Variants in PARP10 observed in about 807,000 individuals in gnomAD.
PARP10 encodes protein mono-ADP-ribosyltransferase PARP10.
Under a neutral mutation model 82.4 loss-of-function variants are expected in PARP10, and 56 were observed. That is an observed-to-expected ratio of 0.68 (90% confidence interval 0.55 to 0.85). The LOEUF (loss-of-function observed/expected upper bound fraction) is 0.85. Ranked by LOEUF, PARP10 falls within the 40% of genes least tolerant of loss-of-function variation. PARP10 has a pLI of 0.00. For missense variants in PARP10, 1,227 were observed against 1,379.4 expected (o/e 0.89, Z 1.75); for synonymous variants, 576 against 601.1 (o/e 0.96, Z 0.61).
upstream of PARP10, chr8:143,992,244 G>T: frequency 6.2e-7 from 1 of 1,604,230 alleles, no homozygotes; most frequent in Non-Finnish European, 8.5e-7. Context: ...CCCAACTGCA[G>T]TCGGTCCTGA....
intron 1 of PARP10, among the ~76,000 whole-genome samples, chr8:144,010,788 GGCA>G (rs1367973443): frequency 6.6e-6 from 1 of 152,134 alleles, no homozygotes; most frequent in Admixed American, 6.5e-5. Context: ...GGGAGGCTGA[GGCA>G]GCAGGATCGC....
At chr8:144,004,902 G>C (rs1165583947) in intron 1 of PARP10, among the ~76,000 whole-genome samples, 1 of 152,138 alleles carries the variant, frequency 6.6e-6, no homozygotes. Flanking sequence ...CAAGAGTCCG[G>C]GCACGGTGGC....
intron 1 of PARP10, among the ~76,000 whole-genome samples, chr8:143,999,926 G>C (rs958416017): frequency 3.3e-5 from 5 of 152,108 alleles, no homozygotes; most frequent in African/African-American, 1.2e-4. Context: ...GAGAATGTGG[G>C]GAGTAGGGTC....
chr8:143,997,055 C>T (rs782228289), intron 1 of PARP10, among the ~76,000 whole-genome samples: 5 of 152,126 alleles, frequency 3.3e-5, no homozygotes, highest in East Asian at 1.9e-4. Context: ...GCCCCTCCTC[C>T]GCCAGGGCCC....
At position 143,978,106 on chromosome 8, in the gene PARP10, T is replaced by A. The variant is rs781907208; in HGVS notation, c.2557-25A>T. The A allele has an allele frequency of 2.3e-5, 34 of 1,477,990 alleles. 3 individuals are homozygous for A. The South Asian group carries it at 4.2e-4, about 18-fold the overall frequency. The allele number at this position is 1,477,990 out of a possible 1,614,324, so 91.6% of individuals were successfully genotyped here. ...CCTGCGGGGAAGGCCCGGGCCAGGA[T>A]TAAACACCCTCCCTACGCCCTGGGG... is the stretch of plus-strand genomic sequence containing the variant. On this transcript the variant is annotated intron_variant, in intron 9 of 10. Transcript: ENST00000313028.
chr8:143,978,040 C>T lies in PARP10; in HGVS notation c.2598G>A (p.Glu866=). ...VSHPLLQQQY[E]LYRERLLQRC... ...GCTGCAGCAGGCGCTCCCGGTACAG[C>T]TCATACTGCTGCTGCAGCAGCGGGT... The change falls in exon 10 of 11, where the codon GAG becomes GAA. Residue 866 remains glutamate (E), a synonymous_variant. Coordinates refer to ENST00000313028, the MANE Select transcript of PARP10 (RefSeq NM_032789.5). 1 of 1,561,466 alleles carries T rather than the reference C, an allele frequency of 6.4e-7. No homozygotes were observed.
chr8:144,001,060 C>T (rs868933457), intron 1 of PARP10, among the ~76,000 whole-genome samples: 39 of 151,618 alleles, frequency 2.6e-4, no homozygotes, highest in African/African-American at 9.4e-4. Flanking sequence ...ACTACAGGCG[C>T]CTGCCACCAC....
chr8:144,010,063 C>G (rs2133085337), intron 1 of PARP10, among the ~76,000 whole-genome samples: 1 of 152,344 alleles, frequency 6.6e-6, no homozygotes, highest in African/African-American at 2.4e-5. Flanking sequence ...CCATCCCTCC[C>G]CAGCACATAC....
intron 1 of PARP10, among the ~76,000 whole-genome samples, chr8:144,006,973 T>C (rs1434486520): frequency 2.0e-5 from 3 of 152,164 alleles, no homozygotes; most frequent in African/African-American, 7.2e-5. Flanking sequence ...TGCTCTCCAT[T>C]CCACCCTTCC....
In PARP10 at chr8:143,984,349, C is replaced by T; in HGVS notation, c.1541G>A (p.Cys514Tyr). ...CCTGGCGCTGCCCGGGTGCTCCAGGCACAACACATGGCAGCTAATGCTGCC... is the reference window on the plus strand; with the variant it reads ...CCTGGCGCTGCCCGGGTGCTCCAGGTACAACACATGGCAGCTAATGCTGCC... The part of the protein sequence containing the change: ...LLGSISCHVL[C>Y]LEHPGSARFL... Residue 514 changes from cysteine (C) to tyrosine (Y), a missense_variant, in exon 6 of 11, where the codon TGC becomes TAC. Cys to Tyr is a radical substitution (Grantham distance 194). Transcript: ENST00000313028. 6.2e-7 allele frequency: 1 copy of T among 1,613,726 alleles called. No individual in the cohort carries two copies.
chr8:143,990,068 T>G (rs1417105809), upstream of PARP10: 6 of 142,188 alleles, frequency 4.2e-5, no homozygotes. The surrounding 1 kb of genome is among the most constrained non-coding windows in gnomAD (Gnocchi z 5.6). Flanking sequence ...AAGGCCCCGC[T>G]GCGTCTTCCG....
Position 143,983,258 on chromosome 8 carries a change from G to A in PARP10, c.2331C>T (p.His777=), listed in dbSNP as rs782536086. ...CCAAGTGGCGGGCAGCACGGGCAGG[G>A]TGGGCCCCGAAGCCACGGAGGATGG... ...DCTILRGFGA[H]PARAARHLVA... Residue 777 remains histidine (H), a synonymous_variant, in exon 8 of 11, where the codon CAC becomes CAT. Transcript: ENST00000313028. 8 of 1,613,076 alleles carry A rather than the reference G, an allele frequency of 5.0e-6. No individual in the cohort carries two copies. In the South Asian group the frequency reaches 7.7e-5, roughly 16 times the overall value.
At chr8:143,991,150 A>G (rs1834085656), upstream of PARP10, 4 of 1,039,144 alleles carry the variant, frequency 3.8e-6, no homozygotes, top group Non-Finnish European at 5.6e-6. Flanking sequence ...CTGGGTCCCG[A>G]CGCTGTCGTC....
chr8:143,994,762 G>A (rs904679549), upstream of PARP10, among the ~76,000 whole-genome samples: 1 of 152,052 alleles, frequency 6.6e-6, no homozygotes, highest in Non-Finnish European at 1.5e-5. Context: ...TGGGCCACAC[G>A]GCTCCCCCTT....
chr8:143,984,006 A>T lies in PARP10; in HGVS notation c.1777+2T>A, dbSNP rs960948247. 6 of 1,514,328 alleles carry T rather than the reference A, an allele frequency of 4.0e-6. No individual in the cohort carries two copies. Among genetic ancestry groups the T allele is most frequent in the Non-Finnish European group, 5.3e-6 (6 of 1,131,886 alleles). 93.8% of individuals were successfully genotyped at this position (1,514,328 alleles called of 1,614,324 possible). ...GTGCTGAGGGCTCCCAGGGAGCCCT[A>T]CCCAGGCTCACGTCCTCCTGGTCAC... On this transcript the variant is annotated splice_donor_variant, in intron 7 of 10. Coordinates refer to ENST00000313028, the MANE Select transcript of PARP10 (RefSeq NM_032789.5). LOFTEE classifies it high-confidence loss of function.
intron 1 of PARP10, among the ~76,000 whole-genome samples, chr8:144,000,045 A>G (rs1462115988): frequency 6.6e-6 from 1 of 152,208 alleles, no homozygotes; most frequent in African/African-American, 2.4e-5. Flanking sequence ...ACATCGACCC[A>G]TAATCTACCA....
Position 143,985,560 on chromosome 8 carries a change from C to T in PARP10, c.525G>A (p.Val175=). 1.9e-6 allele frequency: 3 copies of T among 1,614,040 alleles called. No homozygotes were observed. Among genetic ancestry groups the T allele is most frequent in the Non-Finnish European group, 1.7e-6 (2 of 1,179,990 alleles). The part of the protein sequence containing the change: ...SLARVPQARA[V]RVVGDGASVD... ...CAGAGGCACCATCCCCCACCACACGCACCGCTCGGGCCTGGGGAACCCGGG... is the reference window on the plus strand; with the variant it reads ...CAGAGGCACCATCCCCCACCACACGTACCGCTCGGGCCTGGGGAACCCGGG... The change falls in exon 4 of 11, where the codon GTG becomes GTA. Residue 175 remains valine, a synonymous_variant. Coordinates refer to ENST00000313028, the MANE Select transcript of PARP10 (RefSeq NM_032789.5).
chr8:143,986,194 C>T lies in PARP10; in HGVS notation c.42G>A (p.Glu14=). Residue 14 remains glutamate (E), a synonymous_variant, in exon 2 of 11, where the codon GAG becomes GAA. Transcript: ENST00000313028. The part of the protein sequence containing the change: ...MAEAEAGVAV[E]VRGLPPAVPD... ...GCACGGCAGGGGGCAGTCCACGGACCTCCACTGCCACCCCTGCCTCTGCCT... is the reference window on the plus strand; with the variant it reads ...GCACGGCAGGGGGCAGTCCACGGACTTCCACTGCCACCCCTGCCTCTGCCT... 1 of 1,613,790 alleles carries T rather than the reference C, an allele frequency of 6.2e-7. No homozygotes were observed. Among genetic ancestry groups the T allele is most frequent in the South Asian group, 1.1e-5 (1 of 91,084 alleles).
chr8:143,991,620 AGGGGT>A, upstream of PARP10: 1 of 1,390,992 alleles, frequency 7.2e-7, no homozygotes, highest in Non-Finnish European at 9.9e-7. Context: ...TCAGGAAGGG[AGGGGT>A]GGGGTGGCCG....
Sources: allele counts gnomAD v4.1 joint callset (sites outside exome capture counted in the v4.1 genomes callset), GRCh38; gene constraint gnomAD v4.1.1; non-coding constraint Gnocchi (gnomAD v3.1); transcripts MANE v1.5; gene names NCBI Gene and HGNC (gene_info 2026-07-23, HGNC 2026-07-21).